MYO10: variants seen among roughly 807,000 people sequenced by gnomAD.
The protein encoded by MYO10 is myosin X, also known as unconventional myosin-X.
MYO10 carries 133 observed loss-of-function variants against 257.3 expected under a neutral mutation model. That is an observed-to-expected ratio of 0.52 (90% CI 0.45 to 0.60). MYO10 has a LOEUF of 0.60. Ranked by LOEUF, MYO10 falls within the 20% of genes least tolerant of loss-of-function variation. MYO10 has a pLI of 0.00. For synonymous variants in MYO10, 1,104 were observed against 1,028.6 expected, an observed-to-expected ratio of 1.07 and a Z score of -1.40; for missense variants, 2,399 against 2,635.7, an observed-to-expected ratio of 0.91 and a Z score of 1.97.
At chr5:16,751,919 T>C (rs1740388711) in intron 19 of MYO10, among the ~76,000 whole-genome samples, 1 of 152,194 alleles carries the variant, frequency 6.6e-6, no homozygotes, top group African/African-American at 2.4e-5. Context: ...GAGGTTGAGT[T>C]AGTTCATTTT....
chr5:16,679,492 C>G (rs1736883718), intron 33 of MYO10, among the ~76,000 whole-genome samples: 1 of 150,368 alleles, frequency 6.7e-6, no homozygotes, highest in African/African-American at 2.5e-5. Flanking sequence ...GGTACTCAAA[C>G]ACAAATTTAA....
At chr5:16,823,140 G>A (rs998130771) in intron 2 of MYO10, among the ~76,000 whole-genome samples, 2 of 149,326 alleles carry the variant, frequency 1.3e-5, no homozygotes, top group African/African-American at 4.9e-5. Context: ...AAAACTCTAA[G>A]TTTAAAGAAT....
chr5:16,841,169 C>T (rs1019728270), intron 2 of MYO10, among the ~76,000 whole-genome samples: 1 of 150,942 alleles, frequency 6.6e-6, no homozygotes, highest in Non-Finnish European at 1.5e-5. Context: ...AAGGAGATTT[C>T]GAATGTTTAG....
At chr5:16,848,155 C>CTTTTTTTTTTTTTCTTTTTTTTTTT (rs1554002460) in intron 2 of MYO10, among the ~76,000 whole-genome samples, 3 of 113,594 alleles carry the variant, frequency 2.6e-5, no homozygotes, top group African/African-American at 3.7e-5. Flanking sequence ...CTACACATTT[C>CTTTTTTTTTTTTTCTTTTTTTTTTT]TTTTTTTTTT....
chr5:16,773,276 A>G (rs1025558241), intron 9 of MYO10, among the ~76,000 whole-genome samples: 2 of 152,204 alleles, frequency 1.3e-5, no homozygotes, highest in South Asian at 4.1e-4. Context: ...AAGCAAAGAA[A>G]TACGGTTAAG....
intron 19 of MYO10, among the ~76,000 whole-genome samples, chr5:16,747,742 C>T (rs912010104): frequency 4.0e-5 from 6 of 151,650 alleles, no homozygotes; most frequent in African/African-American, 1.2e-4. Flanking sequence ...CACAGAGAAA[C>T]CCCCGTCTCT....
At chr5:16,741,614 CA>C (rs949060433) in intron 19 of MYO10, among the ~76,000 whole-genome samples, 1 of 151,498 alleles carries the variant, frequency 6.6e-6, no homozygotes, top group African/African-American at 2.4e-5. Context: ...TTCATTTTTA[CA>C]AAAAAAAATT....
At chr5:16,803,189 GC>G (rs1237048963) in intron 3 of MYO10, among the ~76,000 whole-genome samples, 1 of 152,096 alleles carries the variant, frequency 6.6e-6, no homozygotes, top group Non-Finnish European at 1.5e-5. Flanking sequence ...AGTTTGGGAG[GC>G]CGAGGCGGGA....
At chr5:16,781,579 T>C (rs1033405785) in intron 6 of MYO10, 126 bp downstream of exon 6, 3 of 991,954 alleles carry the variant, frequency 3.0e-6, no homozygotes, top group Non-Finnish European at 4.4e-6. Flanking sequence ...AATAACTAAC[T>C]GTCTAATTCG....
intron 19 of MYO10, among the ~76,000 whole-genome samples, chr5:16,754,221 T>C (rs1395916424): frequency 6.6e-6 from 1 of 152,192 alleles, no homozygotes; most frequent in Admixed American, 6.5e-5. Flanking sequence ...TATCTAACAC[T>C]ATAGTTTCTT....
chr5:16,666,711 C>T lies in MYO10; in HGVS notation c.6158G>A (p.Ser2053Asn). 1 of 1,604,794 alleles carries T rather than the reference C, an allele frequency of 6.2e-7. No individual in the cohort carries two copies. The highest frequency in any genetic ancestry group is 8.5e-7 in the Non-Finnish European group (1 of 1,177,244). ...CCGCCTTCACCTGGAGCTGCCCTGG[C>T]TGCTGGCGGAGCGTGTCGTGCTGTA... ...KRYSTTRSASSQGSSR is the reference protein window; with the variant it reads ...KRYSTTRSASNQGSSR The change falls in exon 41 of 41, where the codon AGC becomes AAC. Residue 2053 changes from serine (S) to asparagine (N), a missense_variant. By Grantham distance (46) the Ser-to-Asn change is conservative. Coordinates refer to ENST00000513610, the MANE Select transcript of MYO10 (RefSeq NM_012334.3).
chr5:16,731,372 T>C (rs1243054130), intron 19 of MYO10, among the ~76,000 whole-genome samples: 2 of 146,568 alleles, frequency 1.4e-5, no homozygotes, highest in Non-Finnish European at 3.0e-5. Flanking sequence ...AGATGGAGTC[T>C]CACTCTTGTC....
intron 15 of MYO10, 30 bp from the exon 16 acceptor site, chr5:16,762,143 A>AAAAT (rs370443366): frequency 0.032 from 34,259 of 1,082,462 alleles, 2,281 homozygotes; most frequent in Admixed American, 0.058. Context: ...AAAAAAAAAA[A>AAAAT]ATACAATGCC....
intron 19 of MYO10, among the ~76,000 whole-genome samples, chr5:16,718,311 C>A (rs35836121): frequency 6.6e-6 from 1 of 152,258 alleles, no homozygotes; most frequent in South Asian, 2.1e-4. Context: ...CCAGTCCCAT[C>A]GACCACCTAA....
rs150516643 is a variant in MYO10 at position 16,916,049 on chromosome 5, G to A, written c.21+19739C>T. On this transcript the variant is annotated intron_variant, in intron 1 of 40. Coordinates refer to ENST00000513610, the MANE Select transcript of MYO10 (RefSeq NM_012334.3). ...GGTGAGTAAATATTCAAAGCATGTC[G>A]CTTACCAGTTGAATCGCTTGGTCCC... 5.9e-4 allele frequency: 271 copies of A among 455,844 alleles called. 2 individuals carry two copies. The East Asian group carries it at 0.011, about 18-fold the overall frequency. The allele number at this position is 455,844 out of a possible 1,614,324, so 28.2% of individuals were successfully genotyped here.
chr5:16,914,553 T>C (rs746558012), intron 1 of MYO10, among the ~76,000 whole-genome samples: 2 of 152,256 alleles, frequency 1.3e-5, no homozygotes, highest in Non-Finnish European at 2.9e-5. Context: ...TCTACTACTT[T>C]TGTTTTGCCT....
chr5:16,669,684 T>C (rs1450052365), intron 39 of MYO10, among the ~76,000 whole-genome samples: 1 of 152,184 alleles, frequency 6.6e-6, no homozygotes, highest in East Asian at 1.9e-4. Context: ...AAACATCACC[T>C]AATGAAAAGC....
At position 16,703,404 on chromosome 5, in the gene MYO10, C is replaced by A. The variant is rs974263329; in HGVS notation, c.2277-246G>T. ...CTATCTTGGCTAAATAAACACATAA[C>A]CCCTCATGTTGGCTTTAAGTAGTCT... On this transcript the variant is annotated intron_variant, in intron 22 of 40. Coordinates refer to ENST00000513610, the MANE Select transcript of MYO10 (RefSeq NM_012334.3). 2.0e-5 allele frequency among the ~76,000 whole-genome samples: 3 copies of A among 152,144 alleles called. No homozygotes were observed. The East Asian group carries it at 5.8e-4, about 29-fold the overall frequency.
intron 19 of MYO10, among the ~76,000 whole-genome samples, chr5:16,748,813 G>C (rs1195481560): frequency 6.6e-6 from 1 of 152,152 alleles, no homozygotes; most frequent in Admixed American, 6.5e-5. Context: ...GAGTTGTCTA[G>C]GATGTTGTCA....
Sources: allele counts gnomAD v4.1 joint callset (sites outside exome capture counted in the v4.1 genomes callset), GRCh38; gene constraint gnomAD v4.1.1; transcripts MANE v1.5; gene names NCBI Gene and HGNC (gene_info 2026-07-23, HGNC 2026-07-21).